ZFC3H1: variants seen among roughly 807,000 people sequenced by gnomAD.
ZFC3H1 encodes the protein zinc finger C3H1-type containing.
A neutral mutation model predicts 243.7 loss-of-function variants in ZFC3H1; 71 were observed. The ratio of observed to expected loss-of-function variants is 0.29; its 90% CI spans 0.24 to 0.36. The LOEUF (loss-of-function observed/expected upper bound fraction) is 0.36. ZFC3H1 is among the 10% of genes least tolerant of loss of function. The pLI is 1.00. For missense variants in ZFC3H1, 1,966 were observed against 2,317.1 expected (o/e 0.85, Z 3.11); for synonymous variants, 838 against 813.0 (o/e 1.03, Z -0.52).
intron 2 of ZFC3H1, among the ~76,000 whole-genome samples, chr12:71,649,244 T>G (rs1385889346): frequency 6.6e-6 from 1 of 152,130 alleles, no homozygotes; most frequent in African/African-American, 2.4e-5. Context: ...ACAAACAACA[T>G]ATACTTCAAA....
At chr12:71,635,729 A>G (rs1456981122) in intron 9 of ZFC3H1, 149 bp from the exon 10 acceptor site, 2 of 569,234 alleles carry the variant, frequency 3.5e-6, no homozygotes, top group Non-Finnish European at 5.5e-6. Flanking sequence ...GTCGACCAAT[A>G]CTGGTTATAT....
At chr12:71,621,805 A>ACC (rs571063064) in intron 24 of ZFC3H1, among the ~76,000 whole-genome samples, 2,396 of 149,176 alleles carry the variant, frequency 0.016, 59 homozygotes, top group African/African-American at 0.056. Flanking sequence ...TTAATCTTCA[A>ACC]CCCCCCCGCC....
At chr12:71,613,243 C>G in intron 31 of ZFC3H1, 92 bp downstream of exon 31, 4 of 884,344 alleles carry the variant, frequency 4.5e-6, no homozygotes, top group South Asian at 4.2e-5. Context: ...AGTGGAACAA[C>G]AGACTATTTT....
intron 2 of ZFC3H1, among the ~76,000 whole-genome samples, chr12:71,651,174 C>A (rs1488396493): frequency 1.3e-5 from 2 of 152,210 alleles, no homozygotes; most frequent in African/African-American, 4.8e-5. Flanking sequence ...CCAGATAACG[C>A]AGTCCCCAGG....
chr12:71,614,499 C>A, intron 30 of ZFC3H1, 36 bp downstream of exon 30: 1 of 1,524,496 alleles, frequency 6.6e-7, no homozygotes. Context: ...CTTTGTTTTA[C>A]ACAAATATCT....
intron 28 of ZFC3H1, 34 bp from the exon 29 acceptor site, chr12:71,614,972 C>A: frequency 6.7e-7 from 1 of 1,498,332 alleles, no homozygotes; most frequent in Middle Eastern, 1.7e-4. Context: ...ATATGTCTAT[C>A]ATTCATTTCC....
chr12:71,663,527 A>T lies in ZFC3H1; in HGVS notation c.84T>A (p.Ser28Arg). Residue 28 changes from serine to arginine, a missense_variant, in exon 1 of 35, where the codon AGT becomes AGA. Ser to Arg is a moderately radical substitution (Grantham distance 110, BLOSUM62 -1). Coordinates refer to ENST00000378743, the MANE Select transcript of ZFC3H1 (RefSeq NM_144982.5). ...EEGELEDGEI[S>R]DDDNNSQIRS... is the part of the protein sequence containing the mutation. ...GTATCTGGCTGTTATTATCGTCGTC[A>T]CTGATTTCCCCATCTTCAAGCTCCC... 1.2e-6 allele frequency: 2 copies of T among 1,613,614 alleles called. No individual in the cohort carries two copies. Among genetic ancestry groups the T allele is most frequent in the Non-Finnish European group, 1.7e-6 (2 of 1,180,026 alleles).
intron 24 of ZFC3H1, among the ~76,000 whole-genome samples, chr12:71,620,993 C>T (rs1271877620): frequency 6.6e-6 from 1 of 152,166 alleles, no homozygotes; most frequent in Non-Finnish European, 1.5e-5. Context: ...TCACCTCTAC[C>T]TTCATTTTAT....
chr12:71,654,428 GAGA>G (rs1880965863), intron 2 of ZFC3H1, among the ~76,000 whole-genome samples: 1 of 152,126 alleles, frequency 6.6e-6, no homozygotes, highest in African/African-American at 2.4e-5. Context: ...GCAACACAGT[GAGA>G]TCTTATCTAA....
intron 23 of ZFC3H1, 98 bp from the exon 24 acceptor site, chr12:71,623,695 G>A (rs1880088875): frequency 2.4e-6 from 2 of 842,208 alleles, no homozygotes; most frequent in Non-Finnish European, 3.6e-6. Context: ...ATAATAAAAA[G>A]GTCACATTTA....
chr12:71,615,095 G>T, intron 28 of ZFC3H1, 111 bp downstream of exon 28: 2 of 1,129,414 alleles, frequency 1.8e-6, no homozygotes, highest in Non-Finnish European at 2.6e-6. Flanking sequence ...CTCTTCAATT[G>T]TGCTTCAATG....
At chr12:71,630,567 T>C (rs781741994) in intron 18 of ZFC3H1, 33 bp downstream of exon 18, 1 of 1,580,882 alleles carries the variant, frequency 6.3e-7, no homozygotes, top group Admixed American at 2.0e-5. Flanking sequence ...AATTCAATTT[T>C]CATTTGGGAG....
chr12:71,654,485 G>C (rs147641115), intron 2 of ZFC3H1, among the ~76,000 whole-genome samples: 4 of 152,100 alleles, frequency 2.6e-5, no homozygotes, highest in African/African-American at 9.7e-5. Flanking sequence ...TATAATTCCA[G>C]ACATGATACA....
At chr12:71,656,324 AAAC>A (rs1281218150) in intron 2 of ZFC3H1, 4 of 391,268 alleles carry the variant, frequency 1.0e-5, no homozygotes, top group Non-Finnish European at 1.8e-5. Flanking sequence ...GGAAAAGAAA[AAAC>A]AAGCCAAATC....
chr12:71,613,818 T>C (rs931965541), intron 30 of ZFC3H1: 2 of 155,988 alleles, frequency 1.3e-5, no homozygotes, highest in African/African-American at 4.8e-5. Flanking sequence ...GATCCTGGGA[T>C]AAAGAATGGC....
Position 71,634,752 on chromosome 12 carries a change from G to T in ZFC3H1, c.2312C>A (p.Pro771His). 1 of 1,604,262 alleles carries T rather than the reference G, an allele frequency of 6.2e-7. No individual in the cohort carries two copies. The highest frequency in any genetic ancestry group is 8.5e-7 in the Non-Finnish European group (1 of 1,176,042). ...NDPLRTPEAL[P>H]EEKKIEYRLL... ...TCTATATTCAATCTTCTTTTCTTCAGGCAAAGCCTCCGGTGTTCGCAGAGG... is the reference window on the plus strand; with the variant it reads ...TCTATATTCAATCTTCTTTTCTTCATGCAAAGCCTCCGGTGTTCGCAGAGG... The change falls in exon 11 of 35, where the codon CCT (proline) becomes CAT (histidine). Residue 771 changes from proline to histidine, a missense_variant. Pro to His is a moderately conservative substitution (Grantham distance 77). Around this residue, in one of 4 missense-constraint regions of ZFC3H1, gnomAD observed 1,383 missense variants for 1,723.7 expected, o/e 0.80. Transcript: ENST00000378743.
chr12:71,628,926 A>G lies in ZFC3H1; in HGVS notation c.3938T>C (p.Ile1313Thr). 1 of 1,592,250 alleles carries G rather than the reference A, an allele frequency of 6.3e-7. No homozygotes were observed. Residue 1313 changes from isoleucine (I) to threonine (T), a missense_variant, in exon 20 of 35, where the codon ATT becomes ACT. Around this residue, in one of 4 missense-constraint regions of ZFC3H1, gnomAD observed 1,383 missense variants for 1,723.7 expected, o/e 0.80. Transcript: ENST00000378743. ...SSDEEQSTGPIKYAFQPENQI... is the reference protein window; with the variant it reads ...SSDEEQSTGPTKYAFQPENQI... ...ATTACATAACTTCTTACCATACTTA[A>G]TTGGTCCTGTAGACTGTTCCTCATC...
At chr12:71,657,974 G>A (rs1397590159) in intron 1 of ZFC3H1, among the ~76,000 whole-genome samples, 2 of 151,268 alleles carry the variant, frequency 1.3e-5, no homozygotes, top group Admixed American at 6.6e-5. Context: ...GGGCAACAGA[G>A]GGAGACCTCA....
intron 1 of ZFC3H1, 174 bp downstream of exon 1, chr12:71,662,839 T>G: frequency 1.4e-6 from 1 of 726,180 alleles, no homozygotes; most frequent in Non-Finnish European, 2.3e-6. Flanking sequence ...GTCTTAAGAA[T>G]AACGCTATAG....
Sources: gnomAD v4.1 joint callset for allele counts (sites outside exome capture counted in the v4.1 genomes callset) on GRCh38, gnomAD v4.1.1 for gene constraint, gnomAD v4.1.1 regional missense constraint, MANE v1.5 for transcripts, NCBI Gene and HGNC (gene_info 2026-07-23, HGNC 2026-07-21) for gene names.